Variants in NAA60 observed in about 807,000 individuals in gnomAD.
NAA60 encodes N-alpha-acetyltransferase 60.
Under a neutral mutation model 26.1 loss-of-function variants are expected in NAA60, and 8 were observed. The ratio of observed to expected loss-of-function variants is 0.31; its 90% CI spans 0.18 to 0.55. NAA60 has a LOEUF of 0.55. Among genes scored for constraint, NAA60 ranks in the 20% least tolerant of loss-of-function variants. The pLI is 0.93. For missense variants in NAA60, 290 were observed against 311.3 expected (o/e 0.93, Z 0.51); for synonymous variants, 131 against 122.5 (o/e 1.07, Z -0.46).
At chr16:3,444,016 G>A (rs1443803309) in intron 1 of NAA60, 179 bp downstream of exon 1, 1 of 1,221,886 alleles carries the variant, frequency 8.2e-7, no homozygotes, top group Non-Finnish European at 1.1e-6. Context: ...CGTTCACATC[G>A]GTGTAGGCCA....
rs551459110 is a variant in NAA60, at chr16:3,479,609, G to A, written c.240+9G>A. On this transcript the variant is annotated intron_variant, in intron 4 of 7. Coordinates refer to ENST00000407558, the MANE Select transcript of NAA60 (RefSeq NM_001083601.3). ...CCAAAATACATAAAGAGGTACGTACGTGTGTGCAGTGAGGACTTGGCAGTC... is the reference window on the plus strand; with the variant it reads ...CCAAAATACATAAAGAGGTACGTACATGTGTGCAGTGAGGACTTGGCAGTC... 2.5e-5 allele frequency: 40 copies of A among 1,613,560 alleles called. No individual in the cohort carries two copies. In the East Asian group the frequency reaches 5.6e-4, roughly 22 times the overall value.
chr16:3,483,061 C>T (rs1313139885), intron 5 of NAA60: 1 of 520,332 alleles, frequency 1.9e-6, no homozygotes, highest in Non-Finnish European at 3.4e-6. Flanking sequence ...CCCATCTAGT[C>T]CATGTTTTCC....
At chr16:3,470,630 G>T (rs1270295025) in intron 2 of NAA60, among the ~76,000 whole-genome samples, 1 of 152,116 alleles carries the variant, frequency 6.6e-6, no homozygotes, top group Non-Finnish European at 1.5e-5. Context: ...GTAGAAAGCT[G>T]TGGGAAGAGG....
chr16:3,485,932 T>TTTTTTAATGA lies in NAA60; in HGVS notation c.*673_*674insTTTTAATGAT. 3.1e-6 allele frequency: 1 copy of TTTTTTAATGA among 327,072 alleles called. No homozygotes were observed. Among genetic ancestry groups the TTTTTTAATGA allele is most frequent in the Non-Finnish European group, 6.1e-6 (1 of 165,122 alleles). 20.3% of individuals were successfully genotyped at this position (327,072 alleles called of 1,614,324 possible). On this transcript the variant is annotated 3_prime_UTR_variant, in exon 8 of 8. Transcript: ENST00000407558. ...AGGACGGTTCCTACTCCTCAGCACCTTCCGTGCAGTTACCAGTGCCCTGGG... is the reference window on the plus strand; with the variant it reads ...AGGACGGTTCCTACTCCTCAGCACCTTTTTTAATGATCCGTGCAGTTACCAGTGCCCTGGG...
intron 4 of NAA60, among the ~76,000 whole-genome samples, chr16:3,479,833 A>G (rs2036714721): frequency 6.6e-6 from 1 of 152,094 alleles, no homozygotes. Context: ...CTTCATAACC[A>G]CTGTCGTTCT....
chr16:3,480,810 G>C, intron 4 of NAA60, among the ~76,000 whole-genome samples: 1 of 152,168 alleles, frequency 6.6e-6, no homozygotes, highest in Non-Finnish European at 1.5e-5. Context: ...GGAGGCTGAG[G>C]CACAAGAATC....
At chr16:3,449,440 C>T (rs1350362414) in intron 2 of NAA60, among the ~76,000 whole-genome samples, 1 of 152,066 alleles carries the variant, frequency 6.6e-6, no homozygotes, top group Non-Finnish European at 1.5e-5. Flanking sequence ...ATGGTGTGAA[C>T]CTGGGAGGTG....
chr16:3,485,437 C>T, intron 7 of NAA60, 30 bp from the exon 8 acceptor site: 1 of 459,086 alleles, frequency 2.2e-6, no homozygotes, highest in South Asian at 1.5e-5. Flanking sequence ...GCCGGGCCTT[C>T]ACCCTGCCCT....
At chr16:3,472,668 C>T (rs1876342741) in intron 2 of NAA60, among the ~76,000 whole-genome samples, 1 of 152,180 alleles carries the variant, frequency 6.6e-6, no homozygotes, top group South Asian at 2.1e-4. Flanking sequence ...CTCCTGACCT[C>T]ATGATCGGCC....
At chr16:3,482,774 C>T (rs918508492) in intron 5 of NAA60, 176 bp downstream of exon 5, 49 of 627,410 alleles carry the variant, frequency 7.8e-5, no homozygotes, top group East Asian at 3.0e-4. Context: ...TCATCCCTCC[C>T]CTGCCAGCAC....
rs555677529 is a variant in NAA60, at chr16:3,443,693, C to G, written c.-221C>G. ...AAGCAACCATTTCCGCTTCCGCTGG[C>G]GGGGTCTCCTCCGTGAGCTCCGGGC... On this transcript the variant is annotated 5_prime_UTR_variant, in exon 1 of 8. Coordinates refer to ENST00000407558, the MANE Select transcript of NAA60 (RefSeq NM_001083601.3). 1 of 1,402,868 alleles carries G rather than the reference C, an allele frequency of 7.1e-7. No individual in the cohort carries two copies. The highest frequency in any genetic ancestry group is 9.3e-7 in the Non-Finnish European group (1 of 1,078,706). 86.9% of individuals were successfully genotyped at this position (1,402,868 alleles called of 1,614,324 possible).
At chr16:3,444,570 G>C (rs1277834277) in intron 1 of NAA60, among the ~76,000 whole-genome samples, 1 of 152,142 alleles carries the variant, frequency 6.6e-6, no homozygotes, top group African/African-American at 2.4e-5. Flanking sequence ...TGGCTGCATG[G>C]TTATTAAAAC....
At chr16:3,447,977 A>G (rs1355931937) in intron 1 of NAA60, among the ~76,000 whole-genome samples, 1 of 152,204 alleles carries the variant, frequency 6.6e-6, no homozygotes, top group Admixed American at 6.5e-5. Context: ...TCACTGAGGC[A>G]GAGGTGCTTC....
intron 3 of NAA60, among the ~76,000 whole-genome samples, 161 bp from the exon 4 acceptor site, chr16:3,479,310 G>A (rs888006458): frequency 1.3e-5 from 2 of 152,216 alleles, no homozygotes; most frequent in Admixed American, 6.5e-5. Context: ...GAAGGTGGCT[G>A]TGACAGTTAG....
At chr16:3,451,791 G>A (rs2034796214) in intron 2 of NAA60, among the ~76,000 whole-genome samples, 3 of 151,626 alleles carry the variant, frequency 2.0e-5, no homozygotes, top group Non-Finnish European at 2.9e-5. Context: ...GGTGGTAGGC[G>A]CCTGTACTCC....
chr16:3,466,556 C>T (rs1412347616), intron 2 of NAA60, among the ~76,000 whole-genome samples: 2 of 152,162 alleles, frequency 1.3e-5, no homozygotes, highest in African/African-American at 2.4e-5. Context: ...TCTTTTTCTC[C>T]CCTGTTCCCC....
chr16:3,445,132 C>T (rs1008595586), intron 1 of NAA60, among the ~76,000 whole-genome samples: 2 of 152,096 alleles, frequency 1.3e-5, no homozygotes, highest in African/African-American at 4.8e-5. Context: ...AACAAACTTG[C>T]CTACAGGCTA....
chr16:3,451,433 A>C (rs2034778316), intron 2 of NAA60, among the ~76,000 whole-genome samples: 1 of 152,198 alleles, frequency 6.6e-6, no homozygotes, highest in Non-Finnish European at 1.5e-5. Context: ...CATTACTTCT[A>C]AAAATAAAAA....
intron 2 of NAA60, among the ~76,000 whole-genome samples, chr16:3,465,094 C>T (rs567113369): frequency 1.3e-5 from 2 of 152,092 alleles, no homozygotes; most frequent in Admixed American, 6.6e-5. Context: ...GGTGAAACCC[C>T]GTCTCTACTA....
Sources: gnomAD v4.1 joint callset for allele counts (sites outside exome capture counted in the v4.1 genomes callset) on GRCh38, gnomAD v4.1.1 for gene constraint, MANE v1.5 for transcripts, NCBI Gene and HGNC (gene_info 2026-07-23, HGNC 2026-07-21) for gene names.